Variants in IL1RAPL1 observed in about 807,000 individuals in gnomAD.
IL1RAPL1 encodes the protein interleukin 1 receptor accessory protein like 1.
In IL1RAPL1, 3 loss-of-function variants were observed where a neutral mutation model predicts 48.4. The observed-to-expected ratio is 0.06, with a 90% CI of 0.03 to 0.16. The LOEUF (loss-of-function observed/expected upper bound fraction) is 0.16. Ranked by LOEUF, IL1RAPL1 falls within the 10% of genes least tolerant of loss-of-function variation. IL1RAPL1 has a pLI of 1.00. For missense variants in IL1RAPL1, 349 were observed against 530.6 expected (o/e 0.66, Z 3.36); for synonymous variants, 185 against 187.7 (o/e 0.99, Z 0.12).
At chrX:28,828,559 A>G (rs1317847668) in intron 2 of IL1RAPL1, among the ~76,000 whole-genome samples, 1 of 111,909 alleles carries the variant, frequency 8.9e-6, no homozygotes, top group Non-Finnish European at 1.9e-5. Flanking sequence ...TGGGATTTCT[A>G]TTACCTCAAA....
At chrX:29,736,402 C>A (rs1406658239) in intron 6 of IL1RAPL1, among the ~76,000 whole-genome samples, 1 of 111,459 alleles carries the variant, frequency 9.0e-6, no homozygotes, top group Admixed American at 9.5e-5. Context: ...TGGCTTTGTA[C>A]TTCAGCCATT....
At chrX:29,832,299 G>A (rs1037941407) in intron 6 of IL1RAPL1, among the ~76,000 whole-genome samples, 1 of 111,602 alleles carries the variant, frequency 9.0e-6, no homozygotes. Flanking sequence ...AAAATATCTA[G>A]CATCCTTATA....
At chrX:29,782,100 G>GTC (rs1356117341) in intron 6 of IL1RAPL1, among the ~76,000 whole-genome samples, 1 of 83,990 alleles carries the variant, frequency 1.2e-5, no homozygotes, top group East Asian at 4.0e-4. Flanking sequence ...CTGTCTGTCT[G>GTC]TCTATCTATC....
chrX:28,712,906 G>C (rs963812184), intron 1 of IL1RAPL1, among the ~76,000 whole-genome samples: 20 of 110,774 alleles, frequency 1.8e-4, no homozygotes, highest in Admixed American at 4.8e-4. Context: ...TACTCATATT[G>C]AGTAATTCTA....
At chrX:29,480,768 G>A (rs1224015653) in intron 5 of IL1RAPL1, among the ~76,000 whole-genome samples, 2 of 110,582 alleles carry the variant, frequency 1.8e-5, no homozygotes, top group African/African-American at 6.6e-5. Flanking sequence ...ATCTAATGGA[G>A]TCTGTTTTAC....
intron 2 of IL1RAPL1, among the ~76,000 whole-genome samples, chrX:29,029,446 A>G (rs1463585754): frequency 9.0e-6 from 1 of 110,902 alleles, no homozygotes; most frequent in Non-Finnish European, 1.9e-5. Context: ...TGCCCTTCCT[A>G]CTCTTTTCCA....
intron 2 of IL1RAPL1, among the ~76,000 whole-genome samples, chrX:29,047,279 C>T (rs866487058): frequency 1.5e-4 from 17 of 111,905 alleles, no homozygotes; most frequent in African/African-American, 5.5e-4. Flanking sequence ...TCTTTCAAGC[C>T]AAACCACAGC....
chrX:28,818,309 A>G (rs78887449), intron 2 of IL1RAPL1, among the ~76,000 whole-genome samples: 5,456 of 110,498 alleles, frequency 0.049, 210 homozygotes, highest in African/African-American at 0.13. Context: ...ATCATTTGGG[A>G]CAAACAAAGA....
intron 5 of IL1RAPL1, among the ~76,000 whole-genome samples, chrX:29,636,912 A>G (rs146713254): frequency 0.011 from 1,169 of 109,839 alleles, 12 homozygotes; most frequent in African/African-American, 0.036. Flanking sequence ...CAAATACAAA[A>G]TACAGGTGGC....
At chrX:29,295,622 C>T (rs765062174) in intron 3 of IL1RAPL1, among the ~76,000 whole-genome samples, 4 of 111,709 alleles carry the variant, frequency 3.6e-5, no homozygotes, top group African/African-American at 6.5e-5. Flanking sequence ...CAGGAGAGAA[C>T]TTTGTCAGGG....
At chrX:29,835,633 A>C (rs942514921) in intron 6 of IL1RAPL1, among the ~76,000 whole-genome samples, 4 of 111,173 alleles carry the variant, frequency 3.6e-5, no homozygotes, top group African/African-American at 1.3e-4. Flanking sequence ...GAACCCATCA[A>C]GTCCTGGGCT....
intron 6 of IL1RAPL1, among the ~76,000 whole-genome samples, chrX:29,906,434 G>T (rs1452700381): frequency 1.2e-5 from 1 of 80,289 alleles, no homozygotes; most frequent in East Asian, 4.6e-4. Context: ...TCCAATGAAA[G>T]ATATTTCTTT....
chrX:29,849,547 A>G (rs1931320123), intron 6 of IL1RAPL1, among the ~76,000 whole-genome samples: 2 of 112,021 alleles, frequency 1.8e-5, no homozygotes, highest in African/African-American at 6.5e-5. Flanking sequence ...AGGAGGGGGG[A>G]CACTTTCATG....
At chrX:29,619,291 A>G (rs776037152) in intron 5 of IL1RAPL1, among the ~76,000 whole-genome samples, 4 of 111,808 alleles carry the variant, frequency 3.6e-5, no homozygotes, top group Non-Finnish European at 7.5e-5. Flanking sequence ...ATATAATTAC[A>G]GTAACTATTC....
intron 1 of IL1RAPL1, among the ~76,000 whole-genome samples, chrX:28,721,688 G>C (rs1437053973): frequency 9.0e-6 from 1 of 111,134 alleles, no homozygotes; most frequent in Non-Finnish European, 1.9e-5. Flanking sequence ...GTCCTGAATG[G>C]TATTGCCTAG....
Position 28,996,051 on chromosome X carries a change from T to G in IL1RAPL1, c.82+206626T>G, listed in dbSNP as rs189521287. 1.8e-3 allele frequency among the ~76,000 whole-genome samples: 201 copies of G among 111,658 alleles called. 3 individuals are homozygous for G. In the Admixed American group the frequency reaches 0.018, roughly 10 times the overall value. On this transcript the variant is annotated intron_variant, in intron 2 of 10. Coordinates refer to ENST00000378993, the MANE Select transcript of IL1RAPL1 (RefSeq NM_014271.4). Reference sequence around the variant, plus strand: ...CTTTACCAAAATTAATTTTAGAACATTTTCATCATTCCAAAAAGAAACCCC... The same window carrying G: ...CTTTACCAAAATTAATTTTAGAACAGTTTCATCATTCCAAAAAGAAACCCC...
chrX:29,190,170 A>G (rs1569255955), intron 2 of IL1RAPL1, among the ~76,000 whole-genome samples: 1 of 112,067 alleles, frequency 8.9e-6, no homozygotes, highest in East Asian at 2.8e-4. Context: ...ACTTAATGCA[A>G]ATTTAATAAA....
At chrX:29,477,758 G>C (rs1003424198) in intron 5 of IL1RAPL1, among the ~76,000 whole-genome samples, 3 of 112,070 alleles carry the variant, frequency 2.7e-5, no homozygotes, top group Non-Finnish European at 3.8e-5. Flanking sequence ...GCAGCTGGTA[G>C]GTGAACCCAG....
chrX:28,942,927 T>G (rs934263124), intron 2 of IL1RAPL1, among the ~76,000 whole-genome samples: 22 of 110,856 alleles, frequency 2.0e-4, no homozygotes, highest in Admixed American at 1.9e-4. Flanking sequence ...ATAAAGATAT[T>G]GCAGAATACA....
Sources: gnomAD v4.1 joint callset for allele counts (sites outside exome capture counted in the v4.1 genomes callset) on GRCh38, gnomAD v4.1.1 for gene constraint, MANE v1.5 for transcripts, NCBI Gene and HGNC (gene_info 2026-07-23, HGNC 2026-07-21) for gene names.